NFATC2: variants seen among roughly 807,000 people sequenced by gnomAD.
NFATC2 encodes nuclear factor of activated T cells 2, also known as nuclear factor of activated T-cells, cytoplasmic 2.
NFATC2 carries 22 observed loss-of-function variants against 87.3 expected under a neutral mutation model. The observed-to-expected ratio is 0.25, with a 90% CI of 0.18 to 0.36. The LOEUF is 0.36. NFATC2 is among the 10% of genes least tolerant of loss of function. The pLI is 1.00. For missense variants in NFATC2, 1,149 were observed against 1,259.1 expected, an observed-to-expected ratio of 0.91 and a Z score of 1.32; for synonymous variants, 565 against 542.2, an observed-to-expected ratio of 1.04 and a Z score of -0.58.
Position 51,523,287 on chromosome 20 carries a change from G to GA in NFATC2, c.953dup (p.Lys321GlnfsTer8). 1 of 1,613,804 alleles carries GA rather than the reference G, an allele frequency of 6.2e-7. No individual in the cohort carries two copies. Among genetic ancestry groups the GA allele is most frequent in the Non-Finnish European group, 8.5e-7 (1 of 1,179,812 alleles). On this transcript the variant is annotated frameshift_variant, in exon 2 of 11. Coordinates refer to ENST00000371564, the MANE Select transcript of NFATC2 (RefSeq NM_012340.5). LOFTEE classifies it high-confidence loss of function. This position sits in a 1 kb window ranked among gnomAD's most constrained non-coding sequence, Gnocchi z 6.9. The stretch of plus-strand genomic sequence containing the variant: ...GGCTGGTCTTCCACATCTTGGGGGG[G>GA]ATCCCACAAGGCGAGTCCGTGGCGA...
intron 3 of NFATC2, among the ~76,000 whole-genome samples, chr20:51,516,109 A>G (rs6091333): frequency 0.014 from 2,064 of 152,264 alleles, 47 homozygotes; most frequent in African/African-American, 0.047. Context: ...TTTGGGGAAA[A>G]ATAGGCACAC....
At chr20:51,464,667 T>A (rs1034797849) in intron 5 of NFATC2, among the ~76,000 whole-genome samples, 1 of 48,010 alleles carries the variant, frequency 2.1e-5, no homozygotes, top group Non-Finnish European at 4.4e-5. Context: ...TGCCGGGGGG[T>A]GGGGGGATGA....
Position 51,404,185 on chromosome 20 carries a change from C to G in NFATC2, c.2723-5455G>C, listed in dbSNP as rs542185155. 1.7e-4 allele frequency among the ~76,000 whole-genome samples: 26 copies of G among 152,310 alleles called. No individual in the cohort carries two copies. The South Asian group carries it at 5.4e-3, about 32-fold the overall frequency. On this transcript the variant is annotated intron_variant, in intron 9 of 10. Transcript: ENST00000371564. ...TCTCTGTTTCTTGCAGCCAACAGCTCCTCCCTTTCTCAGCTGTCCTGGCGA... is the reference window on the plus strand; with the variant it reads ...TCTCTGTTTCTTGCAGCCAACAGCTGCTCCCTTTCTCAGCTGTCCTGGCGA...
chr20:51,529,841 T>C (rs2076604769), intron 1 of NFATC2, among the ~76,000 whole-genome samples: 1 of 152,034 alleles, frequency 6.6e-6, no homozygotes, highest in East Asian at 1.9e-4. Flanking sequence ...AGGGTAAAAA[T>C]ACAATAAAAA....
In NFATC2 at chr20:51,391,432, C is replaced by T; in HGVS notation, c.*64G>A. 1 of 1,266,384 alleles carries T rather than the reference C, an allele frequency of 7.9e-7. No homozygotes were observed. The highest frequency in any genetic ancestry group is 1.2e-5 in the South Asian group (1 of 85,232). 78.4% of individuals were successfully genotyped at this position (1,266,384 alleles called of 1,614,324 possible). Reference sequence around the variant, plus strand: ...TTCTGGCAGGAGGTCCTGAAAACTCCTTCCTGATAATTTCATTAACTACAA... The same window carrying T: ...TTCTGGCAGGAGGTCCTGAAAACTCTTTCCTGATAATTTCATTAACTACAA... On this transcript the variant is annotated 3_prime_UTR_variant, in exon 11 of 11. Transcript: ENST00000371564.
intron 1 of NFATC2, among the ~76,000 whole-genome samples, chr20:51,551,588 T>TC (rs1382227803): frequency 6.6e-6 from 1 of 150,866 alleles, no homozygotes; most frequent in East Asian, 1.9e-4. Context: ...TTTTTTTTTT[T>TC]CTGGAGAGAC....
At chr20:51,453,926 TA>T (rs1986098165) in intron 6 of NFATC2, among the ~76,000 whole-genome samples, 1 of 152,214 alleles carries the variant, frequency 6.6e-6, no homozygotes, top group Non-Finnish European at 1.5e-5. Context: ...ACTAAAAAGA[TA>T]TACATATAGA....
chr20:51,435,427 A>G, intron 7 of NFATC2, 113 bp from the exon 8 acceptor site: 1 of 1,452,992 alleles, frequency 6.9e-7, no homozygotes, highest in Non-Finnish European at 9.4e-7. Flanking sequence ...TGTGCCTTTC[A>G]TCGGTTTACA....
upstream of NFATC2, among the ~76,000 whole-genome samples, chr20:51,543,600 G>A (rs1158208305): frequency 6.6e-6 from 1 of 152,150 alleles, no homozygotes; most frequent in Non-Finnish European, 1.5e-5. Context: ...TTCTGATGGG[G>A]CGGTTGGCAA....
chr20:51,409,176 T>C (rs1020689944), intron 9 of NFATC2, among the ~76,000 whole-genome samples: 2 of 152,214 alleles, frequency 1.3e-5, no homozygotes, highest in African/African-American at 4.8e-5. Flanking sequence ...TTTGGTATCG[T>C]CTACTAAAGT....
At chr20:51,491,836 C>T (rs907410513) in intron 3 of NFATC2, among the ~76,000 whole-genome samples, 1 of 150,830 alleles carries the variant, frequency 6.6e-6, no homozygotes, top group South Asian at 2.1e-4. Context: ...CACATCTGCT[C>T]GTTGAGAACA....
At chr20:51,427,825 C>T (rs1982075788) in intron 9 of NFATC2, among the ~76,000 whole-genome samples, 1 of 152,222 alleles carries the variant, frequency 6.6e-6, no homozygotes, top group Non-Finnish European at 1.5e-5. Context: ...GGCAGCCACC[C>T]TCTCGCTCCT....
At chr20:51,550,619 C>T (rs1413975162) in intron 1 of NFATC2, among the ~76,000 whole-genome samples, 2 of 151,808 alleles carry the variant, frequency 1.3e-5, no homozygotes, top group African/African-American at 4.8e-5. Context: ...ATAATAAATA[C>T]AAAGAAAATG....
At chr20:51,458,466 G>C (rs1209178227) in intron 5 of NFATC2, among the ~76,000 whole-genome samples, 1 of 151,690 alleles carries the variant, frequency 6.6e-6, no homozygotes, top group African/African-American at 2.4e-5. Context: ...TAAATGGTCT[G>C]AGGGTCAGGA....
rs923305260 is a variant in NFATC2, at chr20:51,435,069, C to G, written c.2032+119G>C. 7 of 1,260,578 alleles carry G rather than the reference C, an allele frequency of 5.6e-6. No homozygotes were observed. In the African/African-American group the frequency reaches 6.0e-5, roughly 11 times the overall value. 78.1% of individuals were successfully genotyped at this position (1,260,578 alleles called of 1,614,324 possible). A position where few individuals can be genotyped will look rare whatever the true frequency, so the allele number is the denominator to read the frequency against. On this transcript the variant is annotated intron_variant, in intron 8 of 10. Transcript: ENST00000371564. ...TGTCTCACAGATGATGCAACTGAGG[C>G]TCAGAGAGGTTGAGTCATCTGTCCA...
At chr20:51,442,302 C>T (rs1206768994) in intron 6 of NFATC2, among the ~76,000 whole-genome samples, 3 of 151,972 alleles carry the variant, frequency 2.0e-5, no homozygotes, top group Non-Finnish European at 2.9e-5. Context: ...TGTGGTGGCA[C>T]GTGCCTGTAA....
At chr20:51,423,510 T>C (rs1412272036) in intron 9 of NFATC2, among the ~76,000 whole-genome samples, 1 of 152,048 alleles carries the variant, frequency 6.6e-6, no homozygotes, top group Non-Finnish European at 1.5e-5. Context: ...TGTGTTCTAG[T>C]AAGAATGAAA....
At chr20:51,398,497 G>A in intron 10 of NFATC2, 146 bp downstream of exon 10, 1 of 561,934 alleles carries the variant, frequency 1.8e-6, no homozygotes, top group Non-Finnish European at 3.1e-6. Flanking sequence ...CAGGAGTGGA[G>A]GGGTCTAGCC....
intron 1 of NFATC2, among the ~76,000 whole-genome samples, chr20:51,558,428 C>T (rs574644994): frequency 2.0e-5 from 3 of 151,258 alleles, no homozygotes; most frequent in East Asian, 3.9e-4. Context: ...GTGAGTTATC[C>T]AATGAGAAAA....
Sources: gnomAD v4.1 joint callset for allele counts (sites outside exome capture counted in the v4.1 genomes callset) on GRCh38, gnomAD v4.1.1 for gene constraint, Gnocchi (gnomAD v3.1) non-coding constraint, MANE v1.5 for transcripts, NCBI Gene and HGNC (gene_info 2026-07-23, HGNC 2026-07-21) for gene names.